Variants in NRG3 observed in about 807,000 individuals in gnomAD.
NRG3 encodes the protein pro-neuregulin-3, membrane-bound isoform.
NRG3 carries 31 observed loss-of-function variants against 66.9 expected under a neutral mutation model. The observed-to-expected ratio is 0.46, with a 90% CI of 0.35 to 0.63. The LOEUF (loss-of-function observed/expected upper bound fraction) is 0.63, where lower values mean the gene tolerates loss of function less well. Ranked by LOEUF, NRG3 falls within the 20% of genes least tolerant of loss-of-function variation. The pLI, the probability that NRG3 is intolerant of heterozygous loss-of-function variation, is 0.00. For synonymous variants in NRG3, 393 were observed against 359.4 expected, an observed-to-expected ratio of 1.09 and a Z score of -1.06; for missense variants, 910 against 878.9, an observed-to-expected ratio of 1.04 and a Z score of -0.45.
Position 82,546,808 on chromosome 10 carries a change from A to C in NRG3, c.953+187940A>C, listed in dbSNP as rs2043946937. ...AACATAAATGCAGGGCAAATCAAAC[A>C]CACAATGGAATTGCATATCATGTAC... On this transcript the variant is annotated intron_variant, in intron 2 of 8. Coordinates refer to ENST00000372141, the MANE Select transcript of NRG3 (RefSeq NM_001010848.4). Among the ~76,000 whole-genome samples, 3 of 152,292 alleles carry C rather than the reference A, an allele frequency of 2.0e-5. No individual in the cohort carries two copies. In the South Asian group the frequency reaches 6.2e-4, roughly 32 times the overall value.
chr10:82,018,819 C>A (rs1180912411), intron 1 of NRG3, among the ~76,000 whole-genome samples: 1 of 152,082 alleles, frequency 6.6e-6, no homozygotes, highest in African/African-American at 2.4e-5. Context: ...TGCTTATCAG[C>A]TTAAGGAGAT....
intron 2 of NRG3, among the ~76,000 whole-genome samples, chr10:82,704,122 C>A (rs941976058): frequency 6.6e-6 from 1 of 151,986 alleles, no homozygotes; most frequent in African/African-American, 2.4e-5. Flanking sequence ...TCATTTGTTC[C>A]TTCCTTTAAG....
chr10:82,390,718 A>G (rs549898146), intron 2 of NRG3, among the ~76,000 whole-genome samples: 10 of 152,318 alleles, frequency 6.6e-5, no homozygotes, highest in African/African-American at 2.4e-4. Context: ...AGGAAATAAA[A>G]AGAGGAATTC....
chr10:81,939,168 T>C (rs559491123), intron 1 of NRG3, among the ~76,000 whole-genome samples: 20 of 152,114 alleles, frequency 1.3e-4, no homozygotes, highest in African/African-American at 4.8e-4. Context: ...TTGCTAGTAT[T>C]TTTTTAGGGA....
intron 3 of NRG3, among the ~76,000 whole-genome samples, chr10:82,806,733 A>C (rs2135474063): frequency 6.6e-6 from 1 of 152,324 alleles, no homozygotes; most frequent in South Asian, 2.1e-4. Flanking sequence ...TACGTAGAGA[A>C]GATGATGTAG....
intron 3 of NRG3, among the ~76,000 whole-genome samples, chr10:82,744,629 C>T (rs1256085477): frequency 1.3e-5 from 2 of 152,180 alleles, no homozygotes; most frequent in Non-Finnish European, 2.9e-5. Context: ...GTGTAGTTAA[C>T]TGTGTTTATT....
At chr10:82,472,464 G>A (rs1841357091) in intron 2 of NRG3, among the ~76,000 whole-genome samples, 1 of 152,200 alleles carries the variant, frequency 6.6e-6, no homozygotes, top group South Asian at 2.1e-4. Context: ...ATTTCCAATA[G>A]CTCTTCTACC....
At chr10:82,503,283 C>A (rs1844370606) in intron 2 of NRG3, among the ~76,000 whole-genome samples, 2 of 152,130 alleles carry the variant, frequency 1.3e-5, no homozygotes, top group African/African-American at 4.8e-5. Context: ...AGAGGCATGA[C>A]CAAAATGAAT....
At chr10:82,079,059 T>C (rs886154295) in intron 1 of NRG3, among the ~76,000 whole-genome samples, 4 of 152,140 alleles carry the variant, frequency 2.6e-5, no homozygotes, top group African/African-American at 7.2e-5. Context: ...TAATAGACTT[T>C]ATTTTTATTT....
chr10:82,831,496 A>G (rs917078362), intron 3 of NRG3, among the ~76,000 whole-genome samples: 2 of 152,160 alleles, frequency 1.3e-5, no homozygotes. Flanking sequence ...GACTTTATGT[A>G]CCAAATTAAG....
chr10:82,265,852 G>C (rs898603152), intron 1 of NRG3, among the ~76,000 whole-genome samples: 7 of 152,118 alleles, frequency 4.6e-5, no homozygotes, highest in Non-Finnish European at 7.4e-5. Flanking sequence ...AAGAAGAAAA[G>C]AAGGAAAATG....
intron 1 of NRG3, among the ~76,000 whole-genome samples, chr10:82,132,507 T>TATATATATATC (rs1564593732): frequency 1.7e-4 from 10 of 59,120 alleles, no homozygotes; most frequent in Non-Finnish European, 2.6e-4. Flanking sequence ...ATATATATCA[T>TATATATATATC]ATATATATGA....
chr10:82,440,743 G>C (rs999958772), intron 2 of NRG3, among the ~76,000 whole-genome samples: 1 of 151,808 alleles, frequency 6.6e-6, no homozygotes, highest in African/African-American at 2.4e-5. Context: ...CTTTTATCTG[G>C]ATTCATAAAA....
rs12354771 is a variant in NRG3, at chr10:82,297,935, A to G, written c.824-60804A>G. Among the ~76,000 whole-genome samples, 1,139 of 152,134 alleles carry G rather than the reference A, an allele frequency of 7.5e-3. 11 individuals carry two copies. The highest frequency in any genetic ancestry group is 0.011 in the Non-Finnish European group (776 of 68,012). Reference sequence around the variant, plus strand: ...GACAGGCGAATTGCTTGAGCTCAGGAGCTTGAGATGAACCTGGGCAACATG... The same window carrying G: ...GACAGGCGAATTGCTTGAGCTCAGGGGCTTGAGATGAACCTGGGCAACATG... On this transcript the variant is annotated intron_variant, in intron 1 of 8. Transcript: ENST00000372141.
At chr10:82,344,990 A>G (rs1053673045) in intron 1 of NRG3, among the ~76,000 whole-genome samples, 9 of 111,498 alleles carry the variant, frequency 8.1e-5, no homozygotes, top group Admixed American at 2.6e-4. Context: ...TAGGTTGCGA[A>G]AATTTTCTCC....
chr10:82,053,007 TATTA>T (rs1007424391), intron 1 of NRG3, among the ~76,000 whole-genome samples: 13 of 151,784 alleles, frequency 8.6e-5, no homozygotes, highest in African/African-American at 2.9e-4. Context: ...TAATAAAATT[TATTA>T]ATTCATTTAT....
chr10:82,278,331 T>C (rs1350166206), intron 1 of NRG3, among the ~76,000 whole-genome samples: 2 of 152,004 alleles, frequency 1.3e-5, no homozygotes, highest in Admixed American at 6.6e-5. Context: ...GACCTACACA[T>C]CTTGCTGAGG....
At chr10:82,019,785 C>G (rs950034305) in intron 1 of NRG3, among the ~76,000 whole-genome samples, 15 of 152,034 alleles carry the variant, frequency 9.9e-5, no homozygotes, top group African/African-American at 2.7e-4. Flanking sequence ...GTGGTGATAT[C>G]TCCTTTATCA....
At chr10:82,571,910 T>C (rs895041097) in intron 2 of NRG3, among the ~76,000 whole-genome samples, 1 of 151,620 alleles carries the variant, frequency 6.6e-6, no homozygotes, top group Non-Finnish European at 1.5e-5. Flanking sequence ...GTATAGACAA[T>C]GAATACCTTT....
Sources: allele counts gnomAD v4.1 joint callset (sites outside exome capture counted in the v4.1 genomes callset), GRCh38; gene constraint gnomAD v4.1.1; transcripts MANE v1.5; gene names NCBI Gene and HGNC (gene_info 2026-07-23, HGNC 2026-07-21).